Variants in ARMC2 observed in about 807,000 individuals in gnomAD.
ARMC2 encodes the protein armadillo repeat-containing protein 2.
A neutral mutation model predicts 90.3 loss-of-function variants in ARMC2; 67 were observed. The observed-to-expected ratio is 0.74, with a 90% CI of 0.61 to 0.91. The LOEUF (loss-of-function observed/expected upper bound fraction) is 0.91. Among genes scored for constraint, ARMC2 ranks in the 40% least tolerant of loss-of-function variants. The probability of loss-of-function intolerance (pLI) is 0.00; values close to 1 mark genes in which losing one functional copy is unlikely to be tolerated. For synonymous variants in ARMC2, 393 were observed against 393.0 expected (o/e 1.00, Z 0.00); for missense variants, 920 against 1,030.9 (o/e 0.89, Z 1.47).
At chr6:108,883,881 T>C (rs1357263800) in intron 5 of ARMC2, among the ~76,000 whole-genome samples, 1 of 152,188 alleles carries the variant, frequency 6.6e-6, no homozygotes, top group Non-Finnish European at 1.5e-5. Context: ...TCTTTTCCTC[T>C]GAACATCTGC....
the ARMC2 span, chr6:109,009,010 T>C: frequency 5.8e-6 from 6 of 1,026,588 alleles, no homozygotes; most frequent in East Asian, 3.2e-4. Context: ...CGAGGTCTGC[T>C]GGATTTCTGA....
rs1775894884 is a variant in ARMC2, at chr6:108,935,614, G to T, written c.1497-1286G>T. 3.9e-5 allele frequency among the ~76,000 whole-genome samples: 6 copies of T among 151,978 alleles called. No individual in the cohort carries two copies. The South Asian group carries it at 1.3e-3, about 32-fold the overall frequency. On this transcript the variant is annotated intron_variant, in intron 11 of 17. Coordinates refer to ENST00000392644, the MANE Select transcript of ARMC2 (RefSeq NM_032131.6). ...GCACCACCACACCCAGCTAATTTTT[G>T]TATTTTTTAGTAGAGACGGGGTTTC...
chr6:109,038,947 AAGAAGGG>A, the ARMC2 span, among the ~76,000 whole-genome samples: 601 of 151,000 alleles, frequency 4.0e-3, 4 homozygotes, highest in African/African-American at 0.013. Flanking sequence ...AGAAGAAGAA[AAGAAGGG>A]AGAAGGGAGA....
chr6:108,960,217 C>T (rs1777892114), intron 13 of ARMC2, among the ~76,000 whole-genome samples: 1 of 152,152 alleles, frequency 6.6e-6, no homozygotes, highest in Non-Finnish European at 1.5e-5. Context: ...CGGCGGGGGA[C>T]ACCCCGGGTG....
intron 12 of ARMC2, 23 bp downstream of exon 12, chr6:108,937,022 T>A: frequency 6.6e-7 from 1 of 1,516,860 alleles, no homozygotes; most frequent in Non-Finnish European, 9.0e-7. Flanking sequence ...TTCATTTAAT[T>A]CTTCAATGAG....
At chr6:109,036,976 C>T in the ARMC2 span, among the ~76,000 whole-genome samples, 1 of 152,200 alleles carries the variant, frequency 6.6e-6, no homozygotes, top group Non-Finnish European at 1.5e-5. Flanking sequence ...GGTTCAGCAC[C>T]TCAGTTAGGA....
At chr6:108,912,194 A>G (rs1281675535) in intron 9 of ARMC2, 141 bp from the exon 10 acceptor site, 8 of 640,480 alleles carry the variant, frequency 1.2e-5, no homozygotes, top group Non-Finnish European at 2.1e-5. Context: ...CTTATACTAT[A>G]TAACTCTTAA....
intron 5 of ARMC2, among the ~76,000 whole-genome samples, chr6:108,884,877 G>A (rs991755692): frequency 6.6e-6 from 1 of 152,152 alleles, no homozygotes; most frequent in Non-Finnish European, 1.5e-5. Context: ...AAGGGAGCAC[G>A]GCACCAGGGC....
chr6:108,937,169 G>A (rs1045081060), intron 12 of ARMC2, among the ~76,000 whole-genome samples, 170 bp downstream of exon 12: 3 of 152,170 alleles, frequency 2.0e-5, no homozygotes, highest in Non-Finnish European at 4.4e-5. Context: ...GGAGTTGAAG[G>A]AGTTATATGA....
intron 7 of ARMC2, 36 bp downstream of exon 7, chr6:108,899,828 G>T (rs545361256): frequency 2.8e-6 from 4 of 1,412,260 alleles, no homozygotes; most frequent in Admixed American, 2.2e-5. Flanking sequence ...AACCGTTTTT[G>T]TTTTTTTTTT....
the ARMC2 span, among the ~76,000 whole-genome samples, chr6:109,044,200 A>AGCTACTT: frequency 5.3e-5 from 8 of 151,652 alleles, no homozygotes; most frequent in African/African-American, 1.9e-4. Flanking sequence ...CGGTGATCCC[A>AGCTACTT]GCTACTTGGG....
downstream of ARMC2, among the ~76,000 whole-genome samples, chr6:108,978,764 C>T (rs1779033564): frequency 6.6e-6 from 1 of 151,580 alleles, no homozygotes; most frequent in Non-Finnish European, 1.5e-5. Flanking sequence ...TTCTTTGTCT[C>T]TTTTGTTCTG....
intron 5 of ARMC2, among the ~76,000 whole-genome samples, chr6:108,887,883 C>T (rs1770524135): frequency 6.6e-6 from 1 of 152,122 alleles, no homozygotes; most frequent in African/African-American, 2.4e-5. Context: ...ATCTGATAGG[C>T]AGGAATGCTT....
the ARMC2 span, among the ~76,000 whole-genome samples, chr6:108,989,802 G>A: frequency 5.9e-5 from 9 of 152,220 alleles, no homozygotes; most frequent in East Asian, 1.9e-4. Context: ...AGTTGTGTGC[G>A]TTGCTCCACT....
chr6:108,992,139 C>G, the ARMC2 span, among the ~76,000 whole-genome samples: 1 of 152,164 alleles, frequency 6.6e-6, no homozygotes, highest in African/African-American at 2.4e-5. Context: ...CACTCTGTCA[C>G]CCAGGCTGGA....
intron 1 of ARMC2, among the ~76,000 whole-genome samples, chr6:108,850,242 G>A (rs1427761328): frequency 6.6e-6 from 1 of 152,134 alleles, no homozygotes; most frequent in Non-Finnish European, 1.5e-5. Flanking sequence ...AGGTCCTGTG[G>A]ATACCATGGA....
the ARMC2 span, among the ~76,000 whole-genome samples, chr6:109,006,133 T>C: frequency 6.6e-6 from 1 of 152,164 alleles, no homozygotes. Flanking sequence ...ATACTACCTG[T>C]AAACAAAGAA....
intron 10 of ARMC2, chr6:108,923,124 G>A (rs1774748749): frequency 6.6e-6 from 1 of 152,114 alleles, no homozygotes; most frequent in African/African-American, 2.4e-5. Context: ...GTTTTTCAGT[G>A]TGCTATTTCT....
At chr6:109,037,076 C>A in the ARMC2 span, among the ~76,000 whole-genome samples, 1 of 152,138 alleles carries the variant, frequency 6.6e-6, no homozygotes, top group African/African-American at 2.4e-5. Context: ...CCTGATACAG[C>A]ATAAAAAGGC....
Sources: allele counts gnomAD v4.1 joint callset (sites outside exome capture counted in the v4.1 genomes callset), GRCh38; gene constraint gnomAD v4.1.1; transcripts MANE v1.5; gene names NCBI Gene and HGNC (gene_info 2026-07-23, HGNC 2026-07-21).